Variants in ZKSCAN5 observed in about 807,000 individuals in gnomAD.
The protein encoded by ZKSCAN5 is zinc finger with KRAB and SCAN domains 5.
ZKSCAN5 carries 28 observed loss-of-function variants against 60.0 expected under a neutral mutation model. That is an observed-to-expected ratio of 0.47 (90% confidence interval 0.35 to 0.64). The LOEUF (loss-of-function observed/expected upper bound fraction) is 0.64, where lower values mean the gene tolerates loss of function less well. Ranked by LOEUF, ZKSCAN5 falls within the 30% of genes least tolerant of loss-of-function variation. ZKSCAN5 has a pLI of 0.01. For synonymous variants in ZKSCAN5, 361 were observed against 371.2 expected, an observed-to-expected ratio of 0.97 and a Z score of 0.31; for missense variants, 881 against 1,034.6, an observed-to-expected ratio of 0.85 and a Z score of 2.04.
chr7:99,505,154 G>C (rs2272168), intron 1 of ZKSCAN5: 56,003 of 151,682 alleles, frequency 0.37, 16,630 homozygotes, highest in African/African-American at 0.82. Context: ...TCCGCCCCCC[G>C]TGCGAGGTGA....
intron 2 of ZKSCAN5, among the ~76,000 whole-genome samples, chr7:99,507,533 ATATATATATGTATATATATG>A (rs1203694946): frequency 1.8e-5 from 2 of 112,920 alleles, no homozygotes; most frequent in African/African-American, 8.4e-5. Context: ...GTATATGTGT[ATATATATATGTATATATATG>A]TATATATATG....
rs947939003 is a variant in ZKSCAN5 at position 99,511,877 on chromosome 7, C to T, written c.415-576C>T. The stretch of plus-strand genomic sequence containing the variant: ...CAATCTCGGCTCACTGCAAGCTCCG[C>T]CTCCCAGGTTCATGCCATTCTCCTG... On this transcript the variant is annotated intron_variant, in intron 2 of 6. Transcript: ENST00000326775. Among the ~76,000 whole-genome samples, 5 of 152,100 alleles carry T rather than the reference C, an allele frequency of 3.3e-5. No homozygotes were observed. In the East Asian group the frequency reaches 7.7e-4, roughly 23 times the overall value.
intron 6 of ZKSCAN5, 21 bp from the exon 7 acceptor site, chr7:99,531,087 C>CT: frequency 2.6e-6 from 4 of 1,554,102 alleles, no homozygotes; most frequent in Non-Finnish European, 3.5e-6. Context: ...GACATTTTCA[C>CT]TTGCTCTTTA....
chr7:99,511,411 T>C (rs1211882082), intron 2 of ZKSCAN5, among the ~76,000 whole-genome samples: 1 of 152,110 alleles, frequency 6.6e-6, no homozygotes, highest in Non-Finnish European at 1.5e-5. Flanking sequence ...GTACTAGACA[T>C]CCTCTTTCTG....
At chr7:99,505,823 G>GT in intron 1 of ZKSCAN5, 182 bp from the exon 2 acceptor site, 1 of 460,482 alleles carries the variant, frequency 2.2e-6, no homozygotes, top group Middle Eastern at 6.1e-4. Flanking sequence ...TGTGGGTGAA[G>GT]TGATGGCTAC....
At position 99,530,902 on chromosome 7, in the gene ZKSCAN5, C is replaced by T. The variant is rs1048226056; in HGVS notation, c.1379-206C>T. 4.6e-5 allele frequency among the ~76,000 whole-genome samples: 7 copies of T among 152,130 alleles called. No individual in the cohort carries two copies. In the South Asian group the frequency reaches 1.5e-3, roughly 32 times the overall value. On this transcript the variant is annotated intron_variant, in intron 6 of 6. Coordinates refer to ENST00000326775, the MANE Select transcript of ZKSCAN5 (RefSeq NM_145102.4). ...CAAAACCCCATCTCTACTAAACATA[C>T]AAAAATTAGCTGGGTGTGGTCATGC...
At position 99,512,505 on chromosome 7, in the gene ZKSCAN5, T is replaced by C; in HGVS notation, c.467T>C (p.Val156Ala). 6.2e-7 allele frequency: 1 copy of C among 1,614,110 alleles called. No homozygotes were observed. Among genetic ancestry groups the C allele is most frequent in the South Asian group, 1.1e-5 (1 of 91,072 alleles). ...LPRKMATPGA[V>A]QESCSPHPLT... ...CGGAAGATGGCAACACCTGGAGCAG[T>C]GCAGGAGTCCTGCAGCCCCCATCCC... Residue 156 changes from valine (V) to alanine (A), a missense_variant, in exon 3 of 7, where the codon GTG (valine) becomes GCG (alanine). Val to Ala is a moderately conservative substitution (Grantham distance 64). Coordinates refer to ENST00000326775, the MANE Select transcript of ZKSCAN5 (RefSeq NM_145102.4).
At position 99,506,023 on chromosome 7, in the gene ZKSCAN5, G is replaced by A. The variant is rs756871183; in HGVS notation, c.-22G>A. 2.5e-6 allele frequency: 4 copies of A among 1,605,420 alleles called. No individual in the cohort carries two copies. Among genetic ancestry groups the A allele is most frequent in the South Asian group, 1.1e-5 (1 of 90,752 alleles). On this transcript the variant is annotated 5_prime_UTR_variant, in exon 2 of 7. Coordinates refer to ENST00000326775, the MANE Select transcript of ZKSCAN5 (RefSeq NM_145102.4). ...GTTTCAGTGTAACACAGCCAGCCTC[G>A]AAGACTTCCCTCTGAGTTGGAATGA...
intron 3 of ZKSCAN5, among the ~76,000 whole-genome samples, chr7:99,517,366 T>C (rs1312246774): frequency 6.7e-6 from 1 of 150,098 alleles, no homozygotes; most frequent in African/African-American, 2.4e-5. Context: ...GCCTGGCCCT[T>C]CATAATGTTT....
intron 5 of ZKSCAN5, among the ~76,000 whole-genome samples, chr7:99,522,074 C>G (rs1035827553): frequency 6.6e-6 from 1 of 152,118 alleles, no homozygotes; most frequent in African/African-American, 2.4e-5. Flanking sequence ...TCTATCTCTT[C>G]ATTATAACAT....
At position 99,505,977 on chromosome 7, in the gene ZKSCAN5, TTA is replaced by T. The variant is rs1562899862; in HGVS notation, c.-40-27_-40-26del. 1.4e-4 allele frequency: 210 copies of T among 1,552,376 alleles called. 7 individuals are homozygous for T. The South Asian group carries it at 2.3e-3, about 17-fold the overall frequency. Reference sequence around the variant, plus strand: ...TACTGAAAGTGTCCTTCAGAAGATATTAAAGAGCAGAAAAACAATTGTTTCAG... The same window carrying T: ...TACTGAAAGTGTCCTTCAGAAGATATAAGAGCAGAAAAACAATTGTTTCAG... On this transcript the variant is annotated intron_variant, in intron 1 of 6. Transcript: ENST00000326775.
Position 99,532,021 on chromosome 7 carries a change from A to C in ZKSCAN5, c.2292A>C (p.Gln764His). The C allele has an allele frequency of 6.2e-7, 1 of 1,614,216 alleles. No homozygotes were observed. Among genetic ancestry groups the C allele is most frequent in the Non-Finnish European group, 8.5e-7 (1 of 1,180,044 alleles). Reference protein sequence around the residue: ...VGQCSHTKQHQKIYSSTKSHQ... With the variant: ...VGQCSHTKQHHKIYSSTKSHQ... The stretch of plus-strand genomic sequence containing the variant: ...AGTGTTCCCACACCAAACAACATCA[A>C]AAAATCTACTCCAGCACAAAATCCC... Residue 764 changes from glutamine to histidine, a missense_variant, in exon 7 of 7, where the codon CAA becomes CAC. Gln to His is a conservative substitution (Grantham distance 24, BLOSUM62 0). This residue lies in a region of ZKSCAN5 where 138 missense variants were observed against 143.8 expected (regional missense o/e 0.96). Transcript: ENST00000326775.
intron 3 of ZKSCAN5, among the ~76,000 whole-genome samples, chr7:99,517,676 A>G (rs1187907924): frequency 1.3e-5 from 2 of 151,336 alleles, no homozygotes; most frequent in East Asian, 3.9e-4. Flanking sequence ...GCGAGACTCC[A>G]TCTCAAAAAA....
At position 99,506,179 on chromosome 7, in the gene ZKSCAN5, G is replaced by A. The variant is rs1562900275; in HGVS notation, c.135G>A (p.Thr45=). 6.2e-7 allele frequency: 1 copy of A among 1,614,058 alleles called. No homozygotes were observed. The highest frequency in any genetic ancestry group is 8.5e-7 in the Non-Finnish European group (1 of 1,180,050). Residue 45 remains threonine, a synonymous_variant, in exon 2 of 7, where the codon ACG becomes ACA. Transcript: ENST00000326775. The stretch of plus-strand genomic sequence containing the variant: ...GGATGCAGGAGTACAACCCGCCAAC[G>A]TTTGAGACTTTTTACCAGCGCTTCA... ...CTWMQEYNPP[T]FETFYQRFRH...
chr7:99,525,899 G>A lies in ZKSCAN5; in HGVS notation c.859G>A (p.Glu287Lys), dbSNP rs146328296. ...ACACTGGGTGGCGCCAGAACACACCGAAAGGAGCGTTCCTCAGGATCCAGA... is the reference window on the plus strand; with the variant it reads ...ACACTGGGTGGCGCCAGAACACACCAAAAGGAGCGTTCCTCAGGATCCAGA... ...ESHWVAPEHT[E>K]RSVPQDPDFA... The change falls in exon 6 of 7, where the codon GAA becomes AAA. Residue 287 changes from glutamate (E) to lysine (K), a missense_variant. Transcript: ENST00000326775. 9.9e-6 allele frequency: 16 copies of A among 1,613,892 alleles called. No individual in the cohort carries two copies. The highest frequency in any genetic ancestry group is 7.7e-5 in the South Asian group (7 of 91,082).
intron 6 of ZKSCAN5, among the ~76,000 whole-genome samples, chr7:99,529,535 TAC>T (rs1197403953): frequency 1.3e-5 from 2 of 152,222 alleles, no homozygotes; most frequent in Non-Finnish European, 2.9e-5. Flanking sequence ...GACAGGCGCT[TAC>T]AGTCTTTTTG....
chr7:99,505,580 G>C (rs1280264341), intron 1 of ZKSCAN5: 1 of 162,756 alleles, frequency 6.1e-6, no homozygotes, highest in African/African-American at 2.4e-5. Flanking sequence ...GTAGCTTAGA[G>C]AACAGGCTCA....
At chr7:99,520,659 C>T (rs1801495980) in intron 5 of ZKSCAN5, among the ~76,000 whole-genome samples, 1 of 151,956 alleles carries the variant, frequency 6.6e-6, no homozygotes, top group African/African-American at 2.4e-5. Context: ...TCACTTGAGT[C>T]CTTTGGACTT....
chr7:99,532,019 C>G lies in ZKSCAN5; in HGVS notation c.2290C>G (p.Gln764Glu), dbSNP rs200698568. The G allele has an allele frequency of 6.2e-7, 1 of 1,614,034 alleles. No homozygotes were observed. The highest frequency in any genetic ancestry group is 1.7e-5 in the Admixed American group (1 of 60,004). ...VGQCSHTKQH[Q>E]KIYSSTKSHQ... ...CCAGTGTTCCCACACCAAACAACAT[C>G]AAAAAATCTACTCCAGCACAAAATC... is the stretch of plus-strand genomic sequence containing the variant. The change falls in exon 7 of 7, where the codon CAA (glutamine) becomes GAA (glutamate). Residue 764 changes from glutamine to glutamate, a missense_variant. This residue lies in a region of ZKSCAN5 where 138 missense variants were observed against 143.8 expected (regional missense o/e 0.96). Transcript: ENST00000326775.
Sources: gnomAD v4.1 joint callset for allele counts (sites outside exome capture counted in the v4.1 genomes callset) on GRCh38, gnomAD v4.1.1 for gene constraint, gnomAD v4.1.1 regional missense constraint, MANE v1.5 for transcripts, NCBI Gene and HGNC (gene_info 2026-07-23, HGNC 2026-07-21) for gene names.